The following HSD17B13 variants were observed in gnomAD, a reference collection of about 807,000 sequenced individuals.
HSD17B13 encodes 17-beta-hydroxysteroid dehydrogenase 13.
HSD17B13 carries 26 observed loss-of-function variants against 31.1 expected under a neutral mutation model. The observed-to-expected ratio is 0.84, with a 90% CI of 0.61 to 1.16. HSD17B13 has a LOEUF of 1.16. HSD17B13 is among the 50% of genes most tolerant of loss of function. The pLI, the probability that HSD17B13 is intolerant of heterozygous loss-of-function variation, is 0.00. For synonymous variants in HSD17B13, 141 were observed against 133.7 expected, an observed-to-expected ratio of 1.05 and a Z score of -0.38; for missense variants, 374 against 366.5, an observed-to-expected ratio of 1.02 and a Z score of -0.17.
At chr4:87,309,905 A>G (rs544225757) in intron 6 of HSD17B13, among the ~76,000 whole-genome samples, 1 of 152,252 alleles carries the variant, frequency 6.6e-6, no homozygotes, top group South Asian at 2.1e-4. Flanking sequence ...CATGACTGTA[A>G]TCCCAGCACT....
intron 1 of HSD17B13, among the ~76,000 whole-genome samples, chr4:87,320,359 A>G (rs952943637): frequency 5.5e-5 from 8 of 145,626 alleles, no homozygotes; most frequent in African/African-American, 2.0e-4. Context: ...AGATGTTTTG[A>G]TTGAAGAATT....
Position 87,308,531 on chromosome 4 carries a change from A to T in HSD17B13, c.812+1712T>A, listed in dbSNP as rs13136048. On this transcript the variant is annotated intron_variant, in intron 6 of 6. Coordinates refer to ENST00000328546, the MANE Select transcript of HSD17B13 (RefSeq NM_178135.5). ...AAAAAAAAAAAAAAAAAAAAAAAAAATAAGCTGGGCATGGTTGCAGGCGCC... is the reference window on the plus strand; with the variant it reads ...AAAAAAAAAAAAAAAAAAAAAAAAATTAAGCTGGGCATGGTTGCAGGCGCC... 3.6e-3 allele frequency among the ~76,000 whole-genome samples: 390 copies of T among 109,666 alleles called. 2 individuals carry two copies. Among genetic ancestry groups the T allele is most frequent in the African/African-American group, 0.014 (371 of 26,686 alleles). 71.9% of individuals were successfully genotyped at this position (109,666 alleles called of 152,430 possible). A position where few individuals can be genotyped will look rare whatever the true frequency, so the allele number is the denominator to read the frequency against.
intron 6 of HSD17B13, among the ~76,000 whole-genome samples, chr4:87,307,780 C>T (rs963515309): frequency 1.3e-5 from 2 of 152,100 alleles, no homozygotes; most frequent in African/African-American, 4.8e-5. Context: ...GAATTACAGG[C>T]GTGAGACACC....
At chr4:87,318,461 C>T (rs1734709758) in intron 1 of HSD17B13, 25 bp from the exon 2 acceptor site, 2 of 1,593,116 alleles carry the variant, frequency 1.3e-6, no homozygotes. Context: ...AAACAAATTC[C>T]GAAAAAAGTG....
rs769561686 is a variant in HSD17B13, at chr4:87,318,448, A to C, written c.211-12T>G. The C allele has an allele frequency of 5.0e-6, 8 of 1,612,314 alleles. No individual in the cohort carries two copies. Among genetic ancestry groups the C allele is most frequent in the South Asian group, 1.1e-5 (1 of 91,014 alleles). On this transcript the variant is annotated splice_polypyrimidine_tract_variant and intron_variant, in intron 1 of 6. Transcript: ENST00000328546. ...TCCTCCACACCGCGCTGTAATTAGG[A>C]AGAAACAAATTCCGAAAAAAGTGGA...
intron 5 of HSD17B13, among the ~76,000 whole-genome samples, chr4:87,313,385 G>A (rs1274667075): frequency 6.6e-6 from 1 of 152,156 alleles, no homozygotes; most frequent in Non-Finnish European, 1.5e-5. Context: ...TTAATTTTCG[G>A]GTTCTTATCC....
At chr4:87,315,151 C>A (rs950601803) in intron 4 of HSD17B13, among the ~76,000 whole-genome samples, 3 of 152,138 alleles carry the variant, frequency 2.0e-5, no homozygotes, top group Non-Finnish European at 4.4e-5. Context: ...ATGGTGTACA[C>A]TGAGTAAACG....
intron 3 of HSD17B13, 74 bp downstream of exon 3, chr4:87,317,018 G>C: frequency 6.8e-7 from 1 of 1,469,108 alleles, no homozygotes; most frequent in Non-Finnish European, 9.5e-7. Context: ...CCAGAAGTAT[G>C]TGAACTCCGT....
intron 1 of HSD17B13, among the ~76,000 whole-genome samples, chr4:87,321,824 C>T (rs1357258153): frequency 1.3e-5 from 2 of 152,184 alleles, no homozygotes; most frequent in African/African-American, 2.4e-5. Flanking sequence ...ATTAAAACCA[C>T]TGTAATTTGC....
chr4:87,316,999 G>T, intron 3 of HSD17B13, 93 bp downstream of exon 3: 1 of 1,296,494 alleles, frequency 7.7e-7, no homozygotes, highest in Non-Finnish European at 1.1e-6. Flanking sequence ...GATCTGGCCA[G>T]TTTCCTGTCC....
rs373381316 is a variant in HSD17B13 at position 87,312,655 on chromosome 4, G to A, written c.695+1168C>T. Among the ~76,000 whole-genome samples the A allele has an allele frequency of 6.2e-3, 914 of 147,904 alleles. 49 individuals carry two copies. The East Asian group carries it at 0.13, about 22-fold the overall frequency. On this transcript the variant is annotated intron_variant, in intron 5 of 6. Transcript: ENST00000328546. ...CGCCATTCTCCTGCCTCAGCCTCCC[G>A]CGCAGCTGGGACTACAGGCGCCCGC...
intron 3 of HSD17B13, among the ~76,000 whole-genome samples, chr4:87,316,205 C>T (rs1387375480): frequency 2.0e-5 from 3 of 152,132 alleles, no homozygotes; most frequent in African/African-American, 7.2e-5. Context: ...TATGCAAATT[C>T]ATAGAACTAG....
At position 87,313,965 on chromosome 4, in the gene HSD17B13, A is replaced by G; in HGVS notation, c.558-5T>C. 6.5e-7 allele frequency: 1 copy of G among 1,546,586 alleles called. No homozygotes were observed. The highest frequency in any genetic ancestry group is 8.7e-7 in the Non-Finnish European group (1 of 1,147,382). On this transcript the variant is annotated splice_region_variant and splice_polypyrimidine_tract_variant and intron_variant, in intron 4 of 6. Transcript: ENST00000328546. The stretch of plus-strand genomic sequence containing the variant: ...ACAGCGGCAAATTTGCTGGAACTGT[A>G]AGAGAATTATTAAGCATTGTTAGCT...
intron 6 of HSD17B13, among the ~76,000 whole-genome samples, chr4:87,308,984 A>G (rs1206671864): frequency 6.6e-6 from 1 of 151,194 alleles, no homozygotes; most frequent in Admixed American, 6.6e-5. Flanking sequence ...GCAATTTAGC[A>G]AGACTGCAAA....
At position 87,317,234 on chromosome 4, in the gene HSD17B13, T is replaced by G; in HGVS notation, c.319-11A>C. The G allele has an allele frequency of 6.2e-7, 1 of 1,613,802 alleles. No homozygotes were observed. Among genetic ancestry groups the G allele is most frequent in the Non-Finnish European group, 8.5e-7 (1 of 1,179,776 alleles). The stretch of plus-strand genomic sequence containing the variant: ...CACTTCTTTCTTCACCTTTTGAAAT[T>G]GAAAGAACACTTTCACTGGGTGTAT... On this transcript the variant is annotated splice_polypyrimidine_tract_variant and intron_variant, in intron 2 of 6. Transcript: ENST00000328546.
At chr4:87,318,797 C>CA (rs1158406945) in intron 1 of HSD17B13, among the ~76,000 whole-genome samples, 16,714 of 83,078 alleles carry the variant, frequency 0.2, 1,310 homozygotes, top group Non-Finnish European at 0.25. Flanking sequence ...GACTCTGTCT[C>CA]AAAAAAAAAA....
At chr4:87,318,235 T>A in intron 2 of HSD17B13, 94 bp downstream of exon 2, 1 of 922,066 alleles carries the variant, frequency 1.1e-6, no homozygotes, top group Non-Finnish European at 1.8e-6. Context: ...AAATCCAATT[T>A]AAATCAGGCA....
intron 5 of HSD17B13, 81 bp from the exon 6 acceptor site, chr4:87,310,440 C>T: frequency 8.1e-7 from 1 of 1,240,156 alleles, no homozygotes. Flanking sequence ...GAAAATTATC[C>T]TATATTTTTA....
At chr4:87,318,167 T>C (rs1009045186) in intron 2 of HSD17B13, among the ~76,000 whole-genome samples, 162 bp downstream of exon 2, 4 of 152,140 alleles carry the variant, frequency 2.6e-5, no homozygotes, top group Non-Finnish European at 4.4e-5. Flanking sequence ...GTGGATTACA[T>C]ACAAGAAAAA....
Sources: gnomAD v4.1 joint callset for allele counts (sites outside exome capture counted in the v4.1 genomes callset) on GRCh38, gnomAD v4.1.1 for gene constraint, MANE v1.5 for transcripts, NCBI Gene and HGNC (gene_info 2026-07-23, HGNC 2026-07-21) for gene names.